The following FGF14 variants were observed in gnomAD, a reference collection of about 807,000 sequenced individuals.
The protein encoded by FGF14 is fibroblast growth factor homologous factor 4.
In FGF14, 5 loss-of-function variants were observed where a neutral mutation model predicts 25.5. That is an observed-to-expected ratio of 0.20 (90% CI 0.10 to 0.41). The LOEUF is 0.41. Among genes scored for constraint, FGF14 ranks in the 10% least tolerant of loss-of-function variants. FGF14 has a pLI of 1.00. For synonymous variants in FGF14, 138 were observed against 118.3 expected (o/e 1.17, Z -1.08); for missense variants, 222 against 320.1 (o/e 0.69, Z 2.34).
chr13:101,753,284 GAC>G (rs1201326845), intron 3 of FGF14, among the ~76,000 whole-genome samples: 1 of 116,158 alleles, frequency 8.6e-6, no homozygotes, highest in Non-Finnish European at 1.7e-5. Context: ...CACACACACA[GAC>G]ACACACAGAC....
chr13:101,894,629 A>G (rs899370814), intron 1 of FGF14, among the ~76,000 whole-genome samples: 1 of 152,174 alleles, frequency 6.6e-6, no homozygotes, highest in Non-Finnish European at 1.5e-5. Context: ...ACATATACCC[A>G]CTGACAGATT....
chr13:102,064,553 A>C (rs34571430), intron 1 of FGF14, among the ~76,000 whole-genome samples: 1,524 of 152,054 alleles, frequency 0.01, 11 homozygotes, highest in Middle Eastern at 0.017. Context: ...TATATATTAT[A>C]CTTATGGGAA....
At chr13:102,303,511 T>C (rs887273229) in intron 1 of FGF14, among the ~76,000 whole-genome samples, 1 of 152,242 alleles carries the variant, frequency 6.6e-6, no homozygotes, top group Non-Finnish European at 1.5e-5. Context: ...TTTAAAAAGA[T>C]ATTTATATGA....
At chr13:101,748,275 C>T (rs1421544519) in intron 3 of FGF14, among the ~76,000 whole-genome samples, 2 of 151,790 alleles carry the variant, frequency 1.3e-5, no homozygotes, top group Non-Finnish European at 2.9e-5. Flanking sequence ...ATGTATCACA[C>T]ACACACCATG....
intron 3 of FGF14, among the ~76,000 whole-genome samples, chr13:101,774,055 A>G (rs950779242): frequency 6.6e-6 from 1 of 152,004 alleles, no homozygotes; most frequent in Admixed American, 6.6e-5. Flanking sequence ...TACAGTTGTG[A>G]AAGTGTTTTG....
chr13:101,889,872 AT>A (rs2046183693), intron 1 of FGF14, among the ~76,000 whole-genome samples: 1 of 152,172 alleles, frequency 6.6e-6, no homozygotes. Context: ...ATGCTCATGC[AT>A]TTTTATCATA....
rs556405429 is a variant in FGF14 at position 102,113,394 on chromosome 13, C to T, written c.209-238098G>A. ...TTCAGGGATAGGACATCGATCAAACCATGCAGCAATCCCAGAAGGTGGCAT... is the reference window on the plus strand; with the variant it reads ...TTCAGGGATAGGACATCGATCAAACTATGCAGCAATCCCAGAAGGTGGCAT... On this transcript the variant is annotated intron_variant, in intron 1 of 4. Transcript: ENST00000376131. 2.0e-5 allele frequency among the ~76,000 whole-genome samples: 3 copies of T among 152,320 alleles called. No homozygotes were observed. The South Asian group carries it at 6.2e-4, about 32-fold the overall frequency.
At chr13:101,724,012 C>CGTGA (rs977805639) in intron 4 of FGF14, among the ~76,000 whole-genome samples, 13 of 152,046 alleles carry the variant, frequency 8.6e-5, no homozygotes, top group African/African-American at 3.1e-4. Flanking sequence ...CAATGCATCA[C>CGTGA]GTGAGTTTTC....
At chr13:102,396,410 G>T (rs58727427) in intron 1 of FGF14, among the ~76,000 whole-genome samples, 327 of 152,270 alleles carry the variant, frequency 2.1e-3, no homozygotes, top group African/African-American at 7.3e-3. Context: ...ACATCTACGT[G>T]GTATTTATAG....
chr13:101,795,608 T>C (rs1233541130), intron 3 of FGF14, among the ~76,000 whole-genome samples: 1 of 151,870 alleles, frequency 6.6e-6, no homozygotes, highest in Non-Finnish European at 1.5e-5. Context: ...CCATCAGAAG[T>C]AGAAAATAAA....
chr13:101,826,447 T>G (rs996661734), intron 3 of FGF14, among the ~76,000 whole-genome samples: 1 of 152,056 alleles, frequency 6.6e-6, no homozygotes, highest in African/African-American at 2.4e-5. Context: ...CTATCCCAGT[T>G]AAATCTCAAA....
intron 1 of FGF14, among the ~76,000 whole-genome samples, chr13:101,904,233 C>T (rs1215780339): frequency 2.6e-5 from 4 of 152,138 alleles, no homozygotes; most frequent in South Asian, 4.1e-4. Flanking sequence ...TTACCAGCAC[C>T]GACCACACCA....
chr13:102,182,270 T>A (rs759407484), intron 1 of FGF14, among the ~76,000 whole-genome samples: 5 of 152,176 alleles, frequency 3.3e-5, no homozygotes, highest in Admixed American at 6.5e-5. Context: ...AAGAGCCATA[T>A]GCCAAAGAAT....
chr13:101,727,719 G>A (rs1191607003), intron 3 of FGF14, among the ~76,000 whole-genome samples: 3 of 151,922 alleles, frequency 2.0e-5, no homozygotes, highest in African/African-American at 7.3e-5. Flanking sequence ...ATCTACATAT[G>A]CATTTTTGAT....
intron 1 of FGF14, among the ~76,000 whole-genome samples, chr13:102,051,162 C>G (rs2042200810): frequency 6.6e-6 from 1 of 152,176 alleles, no homozygotes; most frequent in East Asian, 1.9e-4. Flanking sequence ...CTGGGGCCCA[C>G]AGTGTGAAAC....
intron 1 of FGF14, among the ~76,000 whole-genome samples, chr13:102,059,908 C>CA (rs1426052732): frequency 6.7e-6 from 1 of 148,310 alleles, no homozygotes; most frequent in Non-Finnish European, 1.5e-5. Flanking sequence ...AGAAACAAAA[C>CA]AAACAAACAA....
chr13:101,755,181 A>G (rs182209712), intron 3 of FGF14, among the ~76,000 whole-genome samples: 35 of 152,352 alleles, frequency 2.3e-4, no homozygotes, highest in Admixed American at 1.3e-4. Flanking sequence ...AAGACATTCT[A>G]GAAATACTTA....
intron 3 of FGF14, among the ~76,000 whole-genome samples, chr13:101,760,850 G>A (rs191695494): frequency 7.2e-4 from 109 of 152,148 alleles, no homozygotes; most frequent in Non-Finnish European, 1.3e-3. Context: ...AAGTCCTAGA[G>A]TAGCCTACAA....
chr13:102,316,858 A>T (rs1333717540), intron 1 of FGF14, among the ~76,000 whole-genome samples: 1 of 152,178 alleles, frequency 6.6e-6, no homozygotes, highest in East Asian at 1.9e-4. Context: ...ATCCATTCTC[A>T]GGGTTATCAT....
Sources: allele counts gnomAD v4.1 joint callset (sites outside exome capture counted in the v4.1 genomes callset), GRCh38; gene constraint gnomAD v4.1.1; transcripts MANE v1.5; gene names NCBI Gene and HGNC (gene_info 2026-07-23, HGNC 2026-07-21).